APP: variants seen among roughly 807,000 people sequenced by gnomAD.
The protein encoded by APP is amyloid beta precursor protein.
A neutral mutation model predicts 101.4 loss-of-function variants in APP; 31 were observed. That is an observed-to-expected ratio of 0.31 (90% CI 0.23 to 0.41). The LOEUF (loss-of-function observed/expected upper bound fraction) is 0.41. Ranked by LOEUF, APP falls within the 10% of genes least tolerant of loss-of-function variation. APP has a pLI of 1.00. For synonymous variants in APP, 366 were observed against 364.4 expected (o/e 1.00, Z -0.05); for missense variants, 839 against 1,003.7 (o/e 0.84, Z 2.22).
chr21:26,117,428 T>C (rs2062459318), intron 1 of APP, among the ~76,000 whole-genome samples: 1 of 152,234 alleles, frequency 6.6e-6, no homozygotes. Context: ...AAAAAAGTAT[T>C]TCCAGTGTAA....
At chr21:26,002,785 TCATCTTAGAGTAC>T (rs6147459) in intron 6 of APP, among the ~76,000 whole-genome samples, 14,239 of 152,158 alleles carry the variant, frequency 0.094, 1,072 homozygotes, top group East Asian at 0.31. Context: ...AAAAAAAGTA[TCATCTTAGAGTAC>T]CAAATATGTG....
chr21:25,971,350 C>A (rs2042026249), intron 11 of APP, among the ~76,000 whole-genome samples: 1 of 152,158 alleles, frequency 6.6e-6, no homozygotes. Context: ...CTGGCATAAA[C>A]AACATTTCTG....
At chr21:26,127,047 C>T (rs1279449766) in intron 1 of APP, among the ~76,000 whole-genome samples, 1 of 151,318 alleles carries the variant, frequency 6.6e-6, no homozygotes, top group Non-Finnish European at 1.5e-5. Context: ...AGCAAGATAA[C>T]CCCTTCAACT....
intron 1 of APP, among the ~76,000 whole-genome samples, chr21:26,123,606 T>C (rs138864699): frequency 6.6e-6 from 1 of 152,306 alleles, no homozygotes; most frequent in African/African-American, 2.4e-5. Context: ...ATTTTTCGAA[T>C]TGCCATTTCT....
At chr21:26,136,398 C>CTTT (rs1346478447) in intron 1 of APP, among the ~76,000 whole-genome samples, 3 of 152,022 alleles carry the variant, frequency 2.0e-5, no homozygotes, top group Non-Finnish European at 4.4e-5. Context: ...ACCCTGGATC[C>CTTT]ATCAGGCTTT....
chr21:25,951,574 T>TATTAGATTA (rs1232359483), intron 13 of APP, among the ~76,000 whole-genome samples: 2 of 152,294 alleles, frequency 1.3e-5, no homozygotes, highest in African/African-American at 4.8e-5. Flanking sequence ...TGTACTGAAC[T>TATTAGATTA]GACTCCAAAT....
chr21:26,045,313 T>A (rs1167947457), intron 5 of APP, among the ~76,000 whole-genome samples: 1 of 152,056 alleles, frequency 6.6e-6, no homozygotes, highest in African/African-American at 2.4e-5. Flanking sequence ...ATGAACCTAA[T>A]AGAGATGTAT....
intron 17 of APP, among the ~76,000 whole-genome samples, chr21:25,887,438 G>A (rs2037398172): frequency 1.3e-5 from 2 of 150,594 alleles, no homozygotes; most frequent in South Asian, 4.2e-4. Context: ...CCTTGGGAAA[G>A]CGTGGCCAAT....
intron 17 of APP, among the ~76,000 whole-genome samples, chr21:25,890,008 A>G (rs1007415913): frequency 6.6e-6 from 1 of 152,252 alleles, no homozygotes; most frequent in African/African-American, 2.4e-5. Context: ...ATTTGAGCAG[A>G]AATGAAATAA....
intron 1 of APP, among the ~76,000 whole-genome samples, chr21:26,163,973 G>A (rs1183024421): frequency 3.3e-5 from 5 of 152,208 alleles, no homozygotes; most frequent in East Asian, 1.9e-4. Context: ...GCAGCTGGGC[G>A]CGGTGGCTCA....
intron 1 of APP, among the ~76,000 whole-genome samples, chr21:26,152,834 C>T (rs2063305768): frequency 6.6e-6 from 1 of 152,164 alleles, no homozygotes. Flanking sequence ...GAAAAAGACA[C>T]TTGTACACAT....
chr21:26,120,615 C>T (rs778402571), intron 1 of APP, among the ~76,000 whole-genome samples: 5 of 152,164 alleles, frequency 3.3e-5, no homozygotes, highest in Non-Finnish European at 7.3e-5. Context: ...GGTAATCAAT[C>T]TTTGCAATCT....
chr21:25,998,699 A>T (rs2242690), intron 7 of APP, among the ~76,000 whole-genome samples: 70 of 152,204 alleles, frequency 4.6e-4, no homozygotes, highest in Middle Eastern at 6.8e-3. Context: ...AAAAAGTAAT[A>T]CACAGTTATT....
chr21:25,945,264 G>A (rs1444301774), intron 13 of APP, among the ~76,000 whole-genome samples: 2 of 151,914 alleles, frequency 1.3e-5, no homozygotes, highest in African/African-American at 2.4e-5. Flanking sequence ...GGGGCTCAAG[G>A]TGGAATCATT....
intron 8 of APP, among the ~76,000 whole-genome samples, chr21:25,988,139 G>A (rs2042707537): frequency 6.6e-6 from 1 of 152,152 alleles, no homozygotes. Context: ...GACATGGCAG[G>A]CAGATGACAA....
chr21:25,981,070 A>G (rs1214543917), intron 9 of APP, among the ~76,000 whole-genome samples: 4 of 152,150 alleles, frequency 2.6e-5, no homozygotes, highest in Admixed American at 6.5e-5. Flanking sequence ...GGCCCAGAGT[A>G]TAAGAAGGTG....
intron 1 of APP, chr21:26,158,410 T>G (rs1362565671): frequency 2.6e-5 from 4 of 152,232 alleles, no homozygotes. Context: ...CCACTCAATA[T>G]CCTACCTCTC....
chr21:26,156,795 TTTA>T (rs1261797676), intron 1 of APP, among the ~76,000 whole-genome samples: 1 of 152,242 alleles, frequency 6.6e-6, no homozygotes, highest in Non-Finnish European at 1.5e-5. Flanking sequence ...TTAAAGGAGA[TTTA>T]TTTAATTTTC....
At chr21:26,009,216 C>T (rs1321200322) in intron 6 of APP, among the ~76,000 whole-genome samples, 3 of 152,184 alleles carry the variant, frequency 2.0e-5, no homozygotes, top group Non-Finnish European at 4.4e-5. Flanking sequence ...AAGAAGTACA[C>T]ATATATTTGG....
Sources: gnomAD v4.1 joint callset for allele counts (sites outside exome capture counted in the v4.1 genomes callset) on GRCh38, gnomAD v4.1.1 for gene constraint, MANE v1.5 for transcripts, NCBI Gene and HGNC (gene_info 2026-07-23, HGNC 2026-07-21) for gene names.